MAST2: variants seen among roughly 807,000 people sequenced by gnomAD.
MAST2 encodes the protein microtubule associated serine/threonine kinase 2.
A neutral mutation model predicts 147.4 loss-of-function variants in MAST2; 70 were observed. The observed-to-expected ratio is 0.47, with a 90% CI of 0.39 to 0.58. The LOEUF (loss-of-function observed/expected upper bound fraction) is 0.58, where lower values mean the gene tolerates loss of function less well. MAST2 is among the 20% of genes least tolerant of loss of function. The pLI is 0.00. For synonymous variants in MAST2, 869 were observed against 896.8 expected, an observed-to-expected ratio of 0.97 and a Z score of 0.55; for missense variants, 2,080 against 2,302.3, an observed-to-expected ratio of 0.90 and a Z score of 1.98.
At chr1:45,877,611 A>C (rs1050791887) in intron 3 of MAST2, among the ~76,000 whole-genome samples, 5 of 152,200 alleles carry the variant, frequency 3.3e-5, no homozygotes, top group African/African-American at 1.2e-4. Context: ...TATATAGGCC[A>C]GTCTTACTTA....
chr1:45,826,730 C>T (rs984777946), intron 2 of MAST2, among the ~76,000 whole-genome samples: 2 of 152,170 alleles, frequency 1.3e-5, no homozygotes, highest in Admixed American at 6.5e-5. Context: ...GGTTACAGTC[C>T]ATCTATCTGC....
rs112029597 is a variant in MAST2, at chr1:46,027,023, T to C, written c.1920-708T>C. ...AGAGCTCAACAGATAACCAAAATTA[T>C]TGTTTTTCACTGAGGAGGGGAACCA... is the stretch of plus-strand genomic sequence containing the variant. On this transcript the variant is annotated intron_variant, in intron 16 of 28. Coordinates refer to ENST00000361297, the MANE Select transcript of MAST2 (RefSeq NM_015112.3). 1.0e-3 allele frequency among the ~76,000 whole-genome samples: 154 copies of C among 152,318 alleles called. 2 individuals carry two copies. Among genetic ancestry groups the C allele is most frequent in the African/African-American group, 3.7e-3 (152 of 41,564 alleles).
intron 28 of MAST2, 41 bp from the exon 29 acceptor site, chr1:46,034,497 G>A (rs770694592): frequency 1.3e-6 from 2 of 1,579,534 alleles, no homozygotes; most frequent in South Asian, 2.3e-5. Context: ...AGCTAACACT[G>A]CTCTGCTTTT....
intron 4 of MAST2, among the ~76,000 whole-genome samples, chr1:45,889,935 G>C (rs1647445266): frequency 6.6e-6 from 1 of 152,060 alleles, no homozygotes; most frequent in Non-Finnish European, 1.5e-5. Flanking sequence ...TATATTTTTA[G>C]GGTTTCACCA....
At chr1:45,948,773 A>G (rs562852340) in intron 4 of MAST2, among the ~76,000 whole-genome samples, 13 of 151,224 alleles carry the variant, frequency 8.6e-5, no homozygotes, top group Non-Finnish European at 1.6e-4. Flanking sequence ...CGCCAAGGCA[A>G]TCCTAAGCAA....
chr1:46,000,421 G>A (rs1160247745), intron 6 of MAST2, among the ~76,000 whole-genome samples: 1 of 152,212 alleles, frequency 6.6e-6, no homozygotes, highest in Non-Finnish European at 1.5e-5. Context: ...GCCATGTTAG[G>A]TGCGAGGACC....
intron 5 of MAST2, among the ~76,000 whole-genome samples, chr1:45,974,766 A>G (rs780810774): frequency 2.0e-5 from 3 of 152,234 alleles, no homozygotes; most frequent in Non-Finnish European, 4.4e-5. Flanking sequence ...GATCATACAC[A>G]TAAAGTGAGA....
At chr1:45,986,776 A>T (rs1018813551) in intron 5 of MAST2, among the ~76,000 whole-genome samples, 1 of 150,516 alleles carries the variant, frequency 6.6e-6, no homozygotes, top group Non-Finnish European at 1.5e-5. Flanking sequence ...ATGTTGTTGT[A>T]TTTGATTTGC....
chr1:45,966,037 C>T (rs574378324), intron 5 of MAST2, among the ~76,000 whole-genome samples: 1 of 152,274 alleles, frequency 6.6e-6, no homozygotes, highest in East Asian at 1.9e-4. Context: ...TTCTTTCTCC[C>T]CTTAACTCCT....
At chr1:45,927,984 C>T (rs559231275) in intron 4 of MAST2, among the ~76,000 whole-genome samples, 1 of 152,312 alleles carries the variant, frequency 6.6e-6, no homozygotes, top group South Asian at 2.1e-4. Flanking sequence ...TGACTTCCTG[C>T]AATACTTGCC....
intron 4 of MAST2, among the ~76,000 whole-genome samples, chr1:45,947,221 A>G (rs1367448747): frequency 5.3e-5 from 8 of 151,780 alleles, no homozygotes; most frequent in Non-Finnish European, 5.9e-5. Context: ...TAGTTTTACA[A>G]GCCAATCTTT....
At chr1:45,931,866 A>AT (rs1175533769) in intron 4 of MAST2, among the ~76,000 whole-genome samples, 1 of 151,750 alleles carries the variant, frequency 6.6e-6, no homozygotes, top group Non-Finnish European at 1.5e-5. Context: ...GTTTTAAAAA[A>AT]TTTTTTTAGA....
intron 5 of MAST2, among the ~76,000 whole-genome samples, chr1:45,966,160 A>G (rs1364602698): frequency 6.6e-6 from 1 of 152,216 alleles, no homozygotes; most frequent in Non-Finnish European, 1.5e-5. Flanking sequence ...AGTAATACGT[A>G]CTGAAGTTTC....
At chr1:45,868,529 C>A (rs976057657) in intron 3 of MAST2, among the ~76,000 whole-genome samples, 1 of 151,962 alleles carries the variant, frequency 6.6e-6, no homozygotes, top group African/African-American at 2.4e-5. Context: ...TTATGCACCC[C>A]CCCCAACCCC....
chr1:46,012,215 C>T (rs1361998302), intron 10 of MAST2, among the ~76,000 whole-genome samples: 3 of 152,176 alleles, frequency 2.0e-5, no homozygotes, highest in East Asian at 3.8e-4. Context: ...ATTACTGCAT[C>T]AGGTAAAGGA....
chr1:46,023,837 A>G lies in MAST2; in HGVS notation c.1637A>G (p.Gln546Arg). Residue 546 changes from glutamine to arginine, a missense_variant, in exon 15 of 29, where the codon CAG becomes CGG. Around this residue, in one of 4 missense-constraint regions of MAST2, gnomAD observed 569 missense variants for 642.5 expected, o/e 0.89. Coordinates refer to ENST00000361297, the MANE Select transcript of MAST2 (RefSeq NM_015112.3). This position sits in a 1 kb window ranked among gnomAD's most constrained non-coding sequence, Gnocchi z 4.9. ...TTTGCCATGAAGAAGATCAACAAGC[A>G]GAACCTGATCCTACGGAACCAGATC... ...QRFAMKKINK[Q>R]NLILRNQIQQ... The G allele has an allele frequency of 6.2e-7, 1 of 1,614,166 alleles. No homozygotes were observed. Among genetic ancestry groups the G allele is most frequent in the Non-Finnish European group, 8.5e-7 (1 of 1,180,026 alleles).
chr1:45,959,344 T>C, intron 4 of MAST2, 42 bp from the exon 5 acceptor site: 1 of 1,495,110 alleles, frequency 6.7e-7, no homozygotes, highest in Non-Finnish European at 9.3e-7. Flanking sequence ...TCTGGGCCCA[T>C]GGTGTGGCCC....
chr1:45,951,050 T>C (rs1420991499), intron 4 of MAST2, among the ~76,000 whole-genome samples: 1 of 151,596 alleles, frequency 6.6e-6, no homozygotes, highest in Non-Finnish European at 1.5e-5. Context: ...AAGTCTCATC[T>C]CTACTAAATT....
chr1:45,979,199 G>A (rs1257017429), intron 5 of MAST2, among the ~76,000 whole-genome samples: 1 of 152,156 alleles, frequency 6.6e-6, no homozygotes, highest in Admixed American at 6.5e-5. Context: ...AACCTAGATG[G>A]TGTTTACACA....
Sources: gnomAD v4.1 joint callset for allele counts (sites outside exome capture counted in the v4.1 genomes callset) on GRCh38, gnomAD v4.1.1 for gene constraint, gnomAD v4.1.1 regional missense constraint, Gnocchi (gnomAD v3.1) non-coding constraint, MANE v1.5 for transcripts, NCBI Gene and HGNC (gene_info 2026-07-23, HGNC 2026-07-21) for gene names.